NSMCE2: variants seen among roughly 807,000 people sequenced by gnomAD.
The protein encoded by NSMCE2 is E3 SUMO-protein ligase NSE2.
NSMCE2 carries 24 observed loss-of-function variants against 23.8 expected under a neutral mutation model. The ratio of observed to expected loss-of-function variants is 1.01; its 90% confidence interval spans 0.73 to 1.42. The LOEUF (loss-of-function observed/expected upper bound fraction) is 1.42, where lower values mean the gene tolerates loss of function less well. Ranked by LOEUF, NSMCE2 falls within the 40% of genes most tolerant of loss-of-function variation. The pLI, the probability that NSMCE2 is intolerant of heterozygous loss-of-function variation, is 0.00. For synonymous variants in NSMCE2, 92 were observed against 94.1 expected, an observed-to-expected ratio of 0.98 and a Z score of 0.13; for missense variants, 284 against 296.5, an observed-to-expected ratio of 0.96 and a Z score of 0.31.
intron 5 of NSMCE2, among the ~76,000 whole-genome samples, chr8:125,341,447 G>A (rs1039769439): frequency 1.3e-5 from 2 of 152,170 alleles, no homozygotes; most frequent in Non-Finnish European, 2.9e-5. Flanking sequence ...ACACTGTAGT[G>A]CTAGGAGTCA....
intron 4 of NSMCE2, chr8:125,151,481 A>G (rs1229886801): frequency 2.6e-6 from 1 of 380,596 alleles, no homozygotes; most frequent in African/African-American, 2.1e-5. Flanking sequence ...TGATTAACAT[A>G]TTAAATCTAT....
intron 5 of NSMCE2, among the ~76,000 whole-genome samples, chr8:125,195,012 C>T (rs2130839543): frequency 6.6e-6 from 1 of 152,212 alleles, no homozygotes; most frequent in African/African-American, 2.4e-5. Flanking sequence ...ATACCAGTAG[C>T]ATGAGCATCA....
At chr8:125,316,662 C>CTTGT (rs1337381347) in intron 5 of NSMCE2, among the ~76,000 whole-genome samples, 3 of 76,592 alleles carry the variant, frequency 3.9e-5, no homozygotes, top group Non-Finnish European at 7.1e-5. Flanking sequence ...TTCTTTCCTT[C>CTTGT]CTTCCTTCTT....
At chr8:125,110,974 T>G (rs1818716917) in intron 3 of NSMCE2, among the ~76,000 whole-genome samples, 1 of 152,094 alleles carries the variant, frequency 6.6e-6, no homozygotes, top group African/African-American at 2.4e-5. Context: ...AACCCCTGTT[T>G]GGCTAAGCAA....
At chr8:125,314,861 G>A (rs1421227605) in intron 5 of NSMCE2, among the ~76,000 whole-genome samples, 1 of 152,212 alleles carries the variant, frequency 6.6e-6, no homozygotes, top group African/African-American at 2.4e-5. Context: ...GGGGAGATGG[G>A]CAAAGCATGA....
intron 5 of NSMCE2, among the ~76,000 whole-genome samples, chr8:125,288,221 A>C (rs1323470879): frequency 6.6e-6 from 1 of 151,516 alleles, no homozygotes; most frequent in Non-Finnish European, 1.5e-5. Flanking sequence ...TCCCACACTC[A>C]CCTTTATGCT....
At chr8:125,157,575 TTTGCCTA>T (rs1205687673) in intron 4 of NSMCE2, among the ~76,000 whole-genome samples, 1 of 152,178 alleles carries the variant, frequency 6.6e-6, no homozygotes, top group African/African-American at 2.4e-5. Flanking sequence ...TCGGTAACAT[TTTGCCTA>T]ATAAACAGAG....
intron 5 of NSMCE2, among the ~76,000 whole-genome samples, chr8:125,268,645 T>C (rs552469688): frequency 2.6e-5 from 4 of 152,322 alleles, no homozygotes; most frequent in African/African-American, 9.6e-5. Flanking sequence ...AAATTTAATG[T>C]TAATGTTTCA....
chr8:125,339,456 C>G (rs1830165039), intron 5 of NSMCE2, among the ~76,000 whole-genome samples: 1 of 152,106 alleles, frequency 6.6e-6, no homozygotes, highest in South Asian at 2.1e-4. Context: ...AGGAAGCATG[C>G]AGGCAAGCTT....
At chr8:125,341,969 CACAA>C (rs1830269854) in intron 5 of NSMCE2, among the ~76,000 whole-genome samples, 1 of 149,364 alleles carries the variant, frequency 6.7e-6, no homozygotes, top group Non-Finnish European at 1.5e-5. Context: ...GAAACAGCCA[CACAA>C]ACAGATAATT....
chr8:125,360,338 C>T (rs544095132), intron 7 of NSMCE2, among the ~76,000 whole-genome samples: 46 of 152,272 alleles, frequency 3.0e-4, no homozygotes, highest in African/African-American at 1.1e-3. Flanking sequence ...CGAGTCAACC[C>T]GCTCAACTAC....
At chr8:125,340,016 T>TG (rs1554640791) in intron 5 of NSMCE2, among the ~76,000 whole-genome samples, 9 of 136,378 alleles carry the variant, frequency 6.6e-5, no homozygotes, top group African/African-American at 1.1e-4. Flanking sequence ...TTTTTTGTTT[T>TG]TTTTTTTTTT....
At chr8:125,199,480 T>A (rs1479384504) in intron 5 of NSMCE2, among the ~76,000 whole-genome samples, 1 of 152,244 alleles carries the variant, frequency 6.6e-6, no homozygotes, top group Non-Finnish European at 1.5e-5. Flanking sequence ...TTCCATGTAG[T>A]TGTGCGGTTT....
chr8:125,247,314 C>CA (rs1319903219), intron 5 of NSMCE2, among the ~76,000 whole-genome samples: 1 of 151,632 alleles, frequency 6.6e-6, no homozygotes, highest in Non-Finnish European at 1.5e-5. Context: ...GCATAGGTGA[C>CA]AGAGTGAGAC....
intron 5 of NSMCE2, among the ~76,000 whole-genome samples, chr8:125,287,651 A>C (rs1468557204): frequency 1.3e-5 from 2 of 152,212 alleles, no homozygotes; most frequent in African/African-American, 4.8e-5. Context: ...CTTTAAAATG[A>C]AACAGACAGA....
chr8:125,223,806 CTTTTTTTTTT>C (rs777644019), intron 5 of NSMCE2, among the ~76,000 whole-genome samples: 6 of 107,960 alleles, frequency 5.6e-5, no homozygotes, highest in Non-Finnish European at 1.1e-4. Flanking sequence ...GGTCCTTTGC[CTTTTTTTTTT>C]TTTTTTTTTT....
chr8:125,260,947 C>A (rs1469215290), intron 5 of NSMCE2, among the ~76,000 whole-genome samples: 1 of 151,856 alleles, frequency 6.6e-6, no homozygotes, highest in South Asian at 2.1e-4. Context: ...TCAGATATAC[C>A]CTATGGCACA....
intron 3 of NSMCE2, among the ~76,000 whole-genome samples, chr8:125,138,062 G>A (rs768200572): frequency 6.6e-6 from 1 of 152,122 alleles, no homozygotes; most frequent in Non-Finnish European, 1.5e-5. Context: ...AATTCAGAAA[G>A]ACTTTCTTTT....
At chr8:125,220,471 ATAT>A (rs1421929511) in intron 5 of NSMCE2, among the ~76,000 whole-genome samples, 1 of 152,102 alleles carries the variant, frequency 6.6e-6, no homozygotes, top group Non-Finnish European at 1.5e-5. Context: ...CTAATTCTTG[ATAT>A]TATTTGTTTT....
Sources: allele counts gnomAD v4.1 joint callset (sites outside exome capture counted in the v4.1 genomes callset), GRCh38; gene constraint gnomAD v4.1.1; transcripts MANE v1.5; gene names NCBI Gene and HGNC (gene_info 2026-07-23, HGNC 2026-07-21).